Variants in CYP11B1 observed in about 807,000 individuals in gnomAD.
CYP11B1 encodes the protein cytochrome P450 family 11 subfamily B member 1.
In CYP11B1, 34 loss-of-function variants were observed where a neutral mutation model predicts 48.3. That is an observed-to-expected ratio of 0.70 (90% CI 0.54 to 0.94). CYP11B1 has a LOEUF of 0.94. Among genes scored for constraint, CYP11B1 ranks in the 40% least tolerant of loss-of-function variants. CYP11B1 has a pLI of 0.00. For missense variants in CYP11B1, 688 were observed against 657.4 expected (o/e 1.05, Z -0.51); for synonymous variants, 291 against 262.5 (o/e 1.11, Z -1.05).
At chr8:142,877,606 A>C (rs1356413701) in intron 2 of CYP11B1, 1 of 736,252 alleles carries the variant, frequency 1.4e-6, no homozygotes, top group African/African-American at 1.8e-5. Flanking sequence ...CACCTCACCC[A>C]CACAGTGTCC....
chr8:142,876,179 G>T, intron 5 of CYP11B1, 62 bp downstream of exon 5: 2 of 1,608,722 alleles, frequency 1.2e-6, no homozygotes, highest in Non-Finnish European at 8.5e-7. Context: ...ACATTGGCAG[G>T]CAGTGCCTGG....
intron 6 of CYP11B1, among the ~76,000 whole-genome samples, 170 bp downstream of exon 6, chr8:142,875,542 T>C (rs1238038114): frequency 6.6e-6 from 1 of 152,104 alleles, no homozygotes; most frequent in African/African-American, 2.4e-5. Flanking sequence ...GAAGAGGGAT[T>C]CCAGAGAAAG....
rs568705604 is a variant in CYP11B1 at position 142,876,334 on chromosome 8, G to T, written c.861C>A (p.Thr287=). 281 of 1,610,584 alleles carry T rather than the reference G, an allele frequency of 1.7e-4. No individual in the cohort carries two copies. The African/African-American group carries it at 3.5e-3, about 20-fold the overall frequency. The change falls in exon 5 of 9, where the codon ACC becomes ACA. Residue 287 remains threonine, a synonymous_variant. Coordinates refer to ENST00000292427, the MANE Select transcript of CYP11B1 (RefSeq NM_000497.4). ...TCAACAGGAGCTCCGCCACGATGCT[G>T]GTGTACTGTTGAGGGCGGCTGAAGG... is the stretch of plus-strand genomic sequence containing the variant. The part of the protein sequence containing the change: ...ELAFSRPQQY[T]SIVAELLLNA...
intron 1 of CYP11B1, 149 bp from the exon 2 acceptor site, chr8:142,879,336 A>C: frequency 6.2e-7 from 1 of 1,606,298 alleles, no homozygotes; most frequent in Non-Finnish European, 8.5e-7. Flanking sequence ...ACTGCCCGGA[A>C]CCTCTTAACT....
At chr8:142,879,209 C>T (rs780600443) in intron 1 of CYP11B1, 22 bp from the exon 2 acceptor site, 23 of 1,613,836 alleles carry the variant, frequency 1.4e-5, no homozygotes, top group South Asian at 3.3e-5. Context: ...AGCACGAGGC[C>T]GTGCTGGATG....
In CYP11B1 at chr8:142,874,410, C is replaced by T. The variant is rs751341937; in HGVS notation, c.1475G>A (p.Ser492Asn). ...KMVYSFILRP[S>N]MFPLLTFRAI... ...TCTGAAGGTGAGGAGGGGGAACATG[C>T]TGGGCCTCAATATGAAGCTGTAGAC... is the stretch of plus-strand genomic sequence containing the variant. The change falls in exon 9 of 9, where the codon AGC (serine) becomes AAC (asparagine). Residue 492 changes from serine to asparagine, a missense_variant. Ser to Asn is a conservative substitution (Grantham distance 46). Coordinates refer to ENST00000292427, the MANE Select transcript of CYP11B1 (RefSeq NM_000497.4). 1.2e-6 allele frequency: 2 copies of T among 1,614,006 alleles called. No homozygotes were observed. The highest frequency in any genetic ancestry group is 1.1e-5 in the South Asian group (1 of 91,068).
Position 142,874,468 on chromosome 8 carries a change from C to G in CYP11B1, c.1417G>C (p.Val473Leu), listed in dbSNP as rs769932276. The G allele has an allele frequency of 6.8e-6, 11 of 1,613,740 alleles. No homozygotes were observed. The highest frequency in any genetic ancestry group is 9.3e-6 in the Non-Finnish European group (11 of 1,179,618). ...LLHHVLKHLQ[V>L]ETLTQEDIKM... ...ATGTCCTCTTGGGTTAGTGTCTCCACCTGGAGGTGTTTCAGCACCTAGGAC... is the reference window on the plus strand; with the variant it reads ...ATGTCCTCTTGGGTTAGTGTCTCCAGCTGGAGGTGTTTCAGCACCTAGGAC... The change falls in exon 9 of 9, where the codon GTG becomes CTG. Residue 473 changes from valine to leucine, a missense_variant. Coordinates refer to ENST00000292427, the MANE Select transcript of CYP11B1 (RefSeq NM_000497.4).
At chr8:142,879,369 T>C in intron 1 of CYP11B1, 182 bp from the exon 2 acceptor site, 1 of 1,609,100 alleles carries the variant, frequency 6.2e-7, no homozygotes, top group Non-Finnish European at 8.5e-7. Context: ...AGTCCTGCCC[T>C]CTCTGCAGCG....
chr8:142,877,512 A>ACCTCACCCATGCAGGCCCTC lies in CYP11B1; in HGVS notation c.396-310_396-291dup, dbSNP rs1816999605. 2.0e-5 allele frequency among the ~76,000 whole-genome samples: 3 copies of ACCTCACCCATGCAGGCCCTC among 152,304 alleles called. No homozygotes were observed. The South Asian group carries it at 6.2e-4, about 32-fold the overall frequency. ...GACCTGGCACCCCAAGTCTGGCACC[A>ACCTCACCCATGCAGGCCCTC]CCTCACCCATGCAGGCCCTCCCTGT... On this transcript the variant is annotated intron_variant, in intron 2 of 8. Transcript: ENST00000292427.
chr8:142,877,875 G>C (rs1817010566), intron 2 of CYP11B1: 1 of 1,525,828 alleles, frequency 6.6e-7, no homozygotes, highest in Non-Finnish European at 8.9e-7. Context: ...GCTGGCTGTT[G>C]TGAGCTGTTG....
rs767199703 is a variant in CYP11B1, at chr8:142,879,399, C to G, written c.239+176G>C. 5 of 1,611,932 alleles carry G rather than the reference C, an allele frequency of 3.1e-6. No homozygotes were observed. In the Admixed American group the frequency reaches 6.7e-5, roughly 21 times the overall value. ...GCAGCGAGCTGGGATTTGCTCTGCA[C>G]CATCCCCTGCCCTGGCAGCGCCACA... On this transcript the variant is annotated intron_variant, in intron 1 of 8. Coordinates refer to ENST00000292427, the MANE Select transcript of CYP11B1 (RefSeq NM_000497.4).
At chr8:142,878,750 C>T (rs1206601462) in intron 2 of CYP11B1, among the ~76,000 whole-genome samples, 2 of 152,196 alleles carry the variant, frequency 1.3e-5, no homozygotes, top group Admixed American at 6.5e-5. Context: ...GAGAAAGCAT[C>T]GGCCAAGGTT....
chr8:142,876,814 A>T lies in CYP11B1; in HGVS notation c.667T>A (p.Phe223Ile), dbSNP rs1816969513. ...GHSPSSASLN[F>I]LHALEVMFKS... ...AACATGACCTCCAGGGCATGGAGGA[A>T]GTTCAGGCTGGCAGAACTGGGGCTG... The change falls in exon 4 of 9, where the codon TTC (phenylalanine) becomes ATC (isoleucine). Residue 223 changes from phenylalanine to isoleucine, a missense_variant. By Grantham distance (21) the Phe-to-Ile change is conservative. Transcript: ENST00000292427. The T allele has an allele frequency of 1.9e-6, 3 of 1,614,180 alleles. No homozygotes were observed. Among genetic ancestry groups the T allele is most frequent in the Non-Finnish European group, 2.5e-6 (3 of 1,180,036 alleles).
In CYP11B1 at chr8:142,874,436, C is replaced by T. The variant is rs1203902696; in HGVS notation, c.1449G>A (p.Met483Ile). 6.2e-7 allele frequency: 1 copy of T among 1,613,930 alleles called. No homozygotes were observed. The highest frequency in any genetic ancestry group is 1.3e-5 in the African/African-American group (1 of 74,872). ...TGGGCCTCAATATGAAGCTGTAGAC[C>T]ATCTTTATGTCCTCTTGGGTTAGTG... is the stretch of plus-strand genomic sequence containing the variant. ...VETLTQEDIK[M>I]VYSFILRPSM... is the part of the protein sequence containing the mutation. Residue 483 changes from methionine to isoleucine, a missense_variant, in exon 9 of 9, where the codon ATG becomes ATA. Physicochemically the swap from Met to Ile is conservative, Grantham distance 10. Transcript: ENST00000292427.
Position 142,879,020 on chromosome 8 carries a change from C to T in CYP11B1, c.395+12G>A, listed in dbSNP as rs1477302945. The T allele has an allele frequency of 1.2e-6, 2 of 1,614,042 alleles. No homozygotes were observed. Among genetic ancestry groups the T allele is most frequent in the Admixed American group, 1.7e-5 (1 of 60,014 alleles). On this transcript the variant is annotated intron_variant, in intron 2 of 8. Transcript: ENST00000292427. The stretch of plus-strand genomic sequence containing the variant: ...TGCCCACCCTGCTCCCAGCTCTCAG[C>T]TCGCCGCTTACAGCAAGAACACGCC...
In CYP11B1 at chr8:142,874,484, C is replaced by T. The variant is rs1345056828; in HGVS notation, c.1401G>A (p.Val467=). 6.2e-7 allele frequency: 1 copy of T among 1,609,412 alleles called. No homozygotes were observed. The highest frequency in any genetic ancestry group is 1.1e-5 in the South Asian group (1 of 90,994). Residue 467 remains valine, a splice_region_variant and synonymous_variant, in exon 9 of 9, where the codon GTG becomes GTA. Transcript: ENST00000292427. ...GTGTCTCCACCTGGAGGTGTTTCAG[C>T]ACCTAGGACAGAAGCCGGGTTTCCA... The part of the protein sequence containing the change: ...EAEMLLLLHH[V]LKHLQVETLT...
chr8:142,878,861 A>T (rs1172663582), intron 2 of CYP11B1, among the ~76,000 whole-genome samples, 171 bp downstream of exon 2: 1 of 151,890 alleles, frequency 6.6e-6, no homozygotes, highest in Non-Finnish European at 1.5e-5. Context: ...TGCTTCCCCA[A>T]CCCACAGGGC....
chr8:142,874,820 C>T (rs1736831080), intron 8 of CYP11B1, 137 bp downstream of exon 8: 9 of 1,110,518 alleles, frequency 8.1e-6, no homozygotes, highest in South Asian at 6.9e-5. Context: ...GGCCCAGGTT[C>T]TCCCAGTACC....
chr8:142,876,697 A>C lies in CYP11B1; in HGVS notation c.784T>G (p.Cys262Gly). The C allele has an allele frequency of 6.2e-7, 1 of 1,612,160 alleles. No individual in the cohort carries two copies. The highest frequency in any genetic ancestry group is 1.7e-5 in the Admixed American group (1 of 59,796). The change falls in exon 4 of 9, where the codon TGC becomes GGC. Residue 262 changes from cysteine to glycine, a missense_variant. By Grantham distance (159) the Cys-to-Gly change is radical (BLOSUM62 -3). Transcript: ENST00000292427. The part of the protein sequence containing the change: ...VWKEHFEAWD[C>G]IFQYGDNCIQ... The stretch of plus-strand genomic sequence containing the variant: ...CTGGCCTCACCGTACTGGAAGATGC[A>C]GTCCCAGGCCTCAAAGTGCTCCTTC...
Sources: allele counts gnomAD v4.1 joint callset (sites outside exome capture counted in the v4.1 genomes callset), GRCh38; gene constraint gnomAD v4.1.1; transcripts MANE v1.5; gene names NCBI Gene and HGNC (gene_info 2026-07-23, HGNC 2026-07-21).